ZNF655: variants seen among roughly 807,000 people sequenced by gnomAD.
ZNF655 encodes the protein Vav-interacting Kruppel-like protein 1.
In ZNF655, 3 loss-of-function variants were observed where a neutral mutation model predicts 6.6. The ratio of observed to expected loss-of-function variants is 0.46; its 90% CI spans 0.21 to 1.18. The LOEUF (loss-of-function observed/expected upper bound fraction) is 1.18. Among genes scored for constraint, ZNF655 ranks in the 50% most tolerant of loss-of-function variants. The probability of loss-of-function intolerance (pLI) is 0.24; values close to 1 mark genes in which losing one functional copy is unlikely to be tolerated. For missense variants in ZNF655, 526 were observed against 572.3 expected (o/e 0.92, Z 0.83); for synonymous variants, 178 against 195.0 (o/e 0.91, Z 0.73).
chr7:99,560,564 AG>A lies in ZNF655; in HGVS notation c.7del (p.Glu3LysfsTer54), dbSNP rs757283268. 9.7e-5 allele frequency: 157 copies of A among 1,613,872 alleles called. No homozygotes were observed. The highest frequency in any genetic ancestry group is 1.3e-4 in the Non-Finnish European group (153 of 1,179,908). ...TCATTGTCCTCCAGAGCAGTGATGG[AG>A]GAAATACCAGCCCAGGAAGCAGCAG... The part of the protein sequence containing the change: M[E>X]EIPAQEAAGS... On this transcript the variant is annotated frameshift_variant, in exon 2 of 3. Coordinates refer to ENST00000252713, the MANE Select transcript of ZNF655 (RefSeq NM_138494.3). LOFTEE classifies it high-confidence loss of function.
At chr7:99,561,739 G>A (rs1042916053) in intron 2 of ZNF655, 4 of 424,694 alleles carry the variant, frequency 9.4e-6, no homozygotes, top group Non-Finnish European at 1.7e-5. Context: ...AAGCAGAGTA[G>A]ACACACCCAA....
chr7:99,573,137 A>C lies in ZNF655; in HGVS notation c.1029A>C (p.Ser343=), dbSNP rs764248793. ...GTGGCAGTGACTTCTGCCATACTTC[A>C]TACCTACTTGAACATCAGAGGGTCC... ...TVCGSDFCHT[S]YLLEHQRVHH... is the part of the protein sequence containing the mutation. The change falls in exon 3 of 3, where the codon TCA becomes TCC. Residue 343 remains serine, a synonymous_variant. Transcript: ENST00000252713. 10 of 1,614,022 alleles carry C rather than the reference A, an allele frequency of 6.2e-6. No homozygotes were observed. Among genetic ancestry groups the C allele is most frequent in the Non-Finnish European group, 8.5e-6 (10 of 1,180,008 alleles).
At chr7:99,565,369 C>A (rs1289142212) in intron 2 of ZNF655, among the ~76,000 whole-genome samples, 1 of 152,084 alleles carries the variant, frequency 6.6e-6, no homozygotes, top group African/African-American at 2.4e-5. Context: ...TGGGGTTTTG[C>A]CATCTTAGCC....
In ZNF655 at chr7:99,573,679, G is replaced by A; in HGVS notation, c.*95G>A. 2.8e-6 allele frequency: 4 copies of A among 1,406,108 alleles called. No individual in the cohort carries two copies. Among genetic ancestry groups the A allele is most frequent in the Non-Finnish European group, 3.8e-6 (4 of 1,043,228 alleles). The allele number at this position is 1,406,108 out of a possible 1,614,324, so 87.1% of individuals were successfully genotyped here. A position where few individuals can be genotyped will look rare whatever the true frequency, so the allele number is the denominator to read the frequency against. On this transcript the variant is annotated 3_prime_UTR_variant, in exon 3 of 3. Transcript: ENST00000252713. The stretch of plus-strand genomic sequence containing the variant: ...AGAAATCATGTATGTACTGCATGTG[G>A]TAAAGCCTTCAGTCATAGCTCAGCC...
At chr7:99,566,934 T>G (rs1803681668) in intron 2 of ZNF655, among the ~76,000 whole-genome samples, 2 of 152,152 alleles carry the variant, frequency 1.3e-5, no homozygotes, top group South Asian at 4.1e-4. Context: ...AATAATTTTT[T>G]TTTTGGAGAC....
rs766882504 is a variant in ZNF655 at position 99,573,464 on chromosome 7, C to G, written c.1356C>G (p.Ile452Met). Residue 452 changes from isoleucine to methionine, a missense_variant, in exon 3 of 3, where the codon ATC becomes ATG. Physicochemically the swap from Ile to Met is conservative, Grantham distance 10. Coordinates refer to ENST00000252713, the MANE Select transcript of ZNF655 (RefSeq NM_138494.3). Reference sequence around the variant, plus strand: ...GTTTCAGTCATAGCTCAGATCTTATCCTGCAACAAGAAGTCCTCACCAGAC... The same window carrying G: ...GTTTCAGTCATAGCTCAGATCTTATGCTGCAACAAGAAGTCCTCACCAGAC... The part of the protein sequence containing the change: ...EGSFSHSSDL[I>M]LQQEVLTRQK... 4 of 1,613,752 alleles carry G rather than the reference C, an allele frequency of 2.5e-6. No homozygotes were observed. The African/African-American group carries it at 5.3e-5, about 22-fold the overall frequency.
At position 99,573,876 on chromosome 7, in the gene ZNF655, T is replaced by G; in HGVS notation, c.*292T>G. The G allele has an allele frequency of 3.0e-6, 1 of 335,480 alleles. No individual in the cohort carries two copies. Among genetic ancestry groups the G allele is most frequent in the Non-Finnish European group, 5.4e-6 (1 of 184,038 alleles). The allele number at this position is 335,480 out of a possible 1,614,324, so 20.8% of individuals were successfully genotyped here. A position where few individuals can be genotyped will look rare whatever the true frequency, so the allele number is the denominator to read the frequency against. On this transcript the variant is annotated 3_prime_UTR_variant, in exon 3 of 3. Coordinates refer to ENST00000252713, the MANE Select transcript of ZNF655 (RefSeq NM_138494.3). ...TTCATGCTATTAGTATTTTCATACC[T>G]TAGTCACATTTGGAGAATTCACATG...
At position 99,573,740 on chromosome 7, in the gene ZNF655, A is replaced by G. The variant is rs1804248873; in HGVS notation, c.*156A>G. 1 of 844,648 alleles carries G rather than the reference A, an allele frequency of 1.2e-6. No individual in the cohort carries two copies. Among genetic ancestry groups the G allele is most frequent in the Admixed American group, 2.8e-5 (1 of 36,156 alleles). The allele number at this position is 844,648 out of a possible 1,614,324, so 52.3% of individuals were successfully genotyped here. On this transcript the variant is annotated 3_prime_UTR_variant, in exon 3 of 3. Coordinates refer to ENST00000252713, the MANE Select transcript of ZNF655 (RefSeq NM_138494.3). ...ATCAGATAATTCACACCAGAGAGAA[A>G]CCCTCTGAATGTGACGAATGAAGAA...
At chr7:99,560,220 G>C (rs1321438508) in intron 1 of ZNF655, among the ~76,000 whole-genome samples, 1 of 151,694 alleles carries the variant, frequency 6.6e-6, no homozygotes, top group African/African-American at 2.4e-5. Flanking sequence ...GAATAGCTGG[G>C]ATTACAGACC....
intron 2 of ZNF655, among the ~76,000 whole-genome samples, chr7:99,568,066 CAAA>C (rs769076500): frequency 8.9e-5 from 5 of 56,046 alleles, no homozygotes; most frequent in Admixed American, 2.1e-4. Flanking sequence ...ACCCCCCGGC[CAAA>C]AAAAAAAAAA....
At chr7:99,561,385 G>C (rs1803147439) in intron 2 of ZNF655, among the ~76,000 whole-genome samples, 1 of 152,156 alleles carries the variant, frequency 6.6e-6, no homozygotes, top group African/African-American at 2.4e-5. Context: ...AGAGTGCTGT[G>C]GGGGATTGTG....
chr7:99,565,953 T>C (rs897292681), intron 2 of ZNF655, among the ~76,000 whole-genome samples: 1 of 139,294 alleles, frequency 7.2e-6, no homozygotes, highest in Admixed American at 6.9e-5. Context: ...TATTGGGTAC[T>C]ATATATATGT....
chr7:99,564,200 C>G (rs1803454747), intron 2 of ZNF655: 4 of 1,377,376 alleles, frequency 2.9e-6, no homozygotes, highest in Non-Finnish European at 3.7e-6. Context: ...ATGTTTTGAA[C>G]CCAGTTCATT....
intron 2 of ZNF655, among the ~76,000 whole-genome samples, chr7:99,568,639 G>A (rs1438657424): frequency 2.0e-5 from 3 of 151,766 alleles, no homozygotes; most frequent in African/African-American, 7.3e-5. Flanking sequence ...TTAATTTTTT[G>A]TAGAGATGGA....
chr7:99,564,651 T>C (rs1357045441), intron 2 of ZNF655: 5 of 984,550 alleles, frequency 5.1e-6, no homozygotes, highest in African/African-American at 3.5e-5. Context: ...GACATACATA[T>C]AATTGTAAAG....
In ZNF655 at chr7:99,573,032, TGAAA is replaced by T. The variant is rs777677659; in HGVS notation, c.927_930del (p.Arg310SerfsTer81). The T allele has an allele frequency of 6.2e-7, 1 of 1,614,132 alleles. No homozygotes were observed. Among genetic ancestry groups the T allele is most frequent in the Non-Finnish European group, 8.5e-7 (1 of 1,179,996 alleles). On this transcript the variant is annotated frameshift_variant, in exon 3 of 3. Transcript: ENST00000252713. LOFTEE classifies it low-confidence loss of function (END_TRUNC). ...CCAAATCTTACAAATGTAGCAGTTG[TGAAA>T]GAGTCTTCAGTCGTAGTGTCCACCT...
rs536159992 is a variant in ZNF655 at position 99,576,075 on chromosome 7, G to T, written c.*2491G>T. On this transcript the variant is annotated 3_prime_UTR_variant, in exon 3 of 3. Transcript: ENST00000252713. ...GTTCAGTGTTATAATATTCAGTAGG[G>T]ACCCTCAACAAATATATAAAAATAT... The T allele has an allele frequency of 1.3e-5, 2 of 152,256 alleles. No individual in the cohort carries two copies. Among genetic ancestry groups the T allele is most frequent in the East Asian group, 1.9e-4 (1 of 5,182 alleles). The allele number at this position is 152,256 out of a possible 1,614,324, so 9.4% of individuals were successfully genotyped here.
chr7:99,559,635 T>A (rs1002127509), intron 1 of ZNF655, among the ~76,000 whole-genome samples: 1 of 152,070 alleles, frequency 6.6e-6, no homozygotes, highest in Non-Finnish European at 1.5e-5. Flanking sequence ...AATATTTTGT[T>A]TTGTTTATTT....
In ZNF655 at chr7:99,573,428, G is replaced by A; in HGVS notation, c.1320G>A (p.Glu440=). Residue 440 remains glutamate, a synonymous_variant, in exon 3 of 3, where the codon GAG becomes GAA. Coordinates refer to ENST00000252713, the MANE Select transcript of ZNF655 (RefSeq NM_138494.3). ...HRKEKSYECN[E]YEGSFSHSSD... The stretch of plus-strand genomic sequence containing the variant: ...AAGAGAAATCGTATGAATGTAATGA[G>A]TATGAGGGCAGTTTCAGTCATAGCT... The A allele has an allele frequency of 6.2e-7, 1 of 1,614,132 alleles. No individual in the cohort carries two copies. The highest frequency in any genetic ancestry group is 1.3e-5 in the African/African-American group (1 of 75,050).
Sources: allele counts gnomAD v4.1 joint callset (sites outside exome capture counted in the v4.1 genomes callset), GRCh38; gene constraint gnomAD v4.1.1; transcripts MANE v1.5; gene names NCBI Gene and HGNC (gene_info 2026-07-23, HGNC 2026-07-21).